The following TTN variants were observed in gnomAD, a reference collection of about 807,000 sequenced individuals.
TTN encodes connectin.
Under a neutral mutation model 3,223.0 loss-of-function variants are expected in TTN, and 1,525 were observed. The observed-to-expected ratio is 0.47, with a 90% CI of 0.45 to 0.49. The LOEUF (loss-of-function observed/expected upper bound fraction) is 0.49, where lower values mean the gene tolerates loss of function less well. TTN is among the 20% of genes least tolerant of loss of function. The probability of loss-of-function intolerance (pLI) is 0.00; values close to 1 mark genes in which losing one functional copy is unlikely to be tolerated. For missense variants in TTN, 40,786 were observed against 43,424.0 expected (o/e 0.94, Z 5.40); for synonymous variants, 14,094 against 15,161.0 (o/e 0.93, Z 5.17).
intron 198 of TTN, 38 bp from the exon 199 acceptor site, chr2:178,653,162 T>C: frequency 1.2e-6 from 2 of 1,611,348 alleles, no homozygotes; most frequent in Non-Finnish European, 8.5e-7. Context: ...TTAGGGGTTA[T>C]GAAGACCACT....
At chr2:178,772,346 C>T (rs2091646328) in intron 33 of TTN, among the ~76,000 whole-genome samples, 1 of 152,038 alleles carries the variant, frequency 6.6e-6, no homozygotes, top group African/African-American at 2.4e-5. Context: ...TGACTTGCTT[C>T]AATACTAGAT....
Position 178,625,416 on chromosome 2 carries a change from GAA to G in TTN, c.44425-22_44425-21del. ...GACCACCTAGTTGTTTTTAAAAAAA[GAA>G]TACATGAAACAGCAATCTAGTATAT... On this transcript the variant is annotated intron_variant, in intron 240 of 362. Coordinates refer to ENST00000589042, the MANE Select transcript of TTN (RefSeq NM_001267550.2). 1.3e-6 allele frequency: 2 copies of G among 1,536,682 alleles called. No individual in the cohort carries two copies. Among genetic ancestry groups the G allele is most frequent in the South Asian group, 2.6e-5 (2 of 76,750 alleles).
chr2:178,735,193 A>G (rs2081236388), intron 50 of TTN, among the ~76,000 whole-genome samples: 3 of 152,204 alleles, frequency 2.0e-5, no homozygotes, highest in Admixed American at 2.0e-4. Flanking sequence ...ACAACAATAA[A>G]CAGACTACCT....
At position 178,584,758 on chromosome 2, in the gene TTN, T is replaced by C; in HGVS notation, c.64883A>G (p.Gln21628Arg). Residue 21628 changes from glutamine to arginine, a missense_variant, in exon 310 of 363, where the codon CAG becomes CGG. Gln to Arg is a conservative substitution (Grantham distance 43). Coordinates refer to ENST00000589042, the MANE Select transcript of TTN (RefSeq NM_001267550.2). The part of the protein sequence containing the change: ...SCRVGKLIPG[Q>R]EYIFRVRAEN... ...AGCACGGACCCGGAAGATGTACTCC[T>C]GGCCTGGGATCAGCTTTCCAACCCT... 5.0e-6 allele frequency: 8 copies of C among 1,613,520 alleles called. No homozygotes were observed. Among genetic ancestry groups the C allele is most frequent in the Non-Finnish European group, 6.8e-6 (8 of 1,179,576 alleles).
At position 178,704,795 on chromosome 2, in the gene TTN, T is replaced by C. The variant is rs1265230121; in HGVS notation, c.29695-18A>G. The C allele has an allele frequency of 6.2e-7, 1 of 1,606,646 alleles. No individual in the cohort carries two copies. The highest frequency in any genetic ancestry group is 8.5e-7 in the Non-Finnish European group (1 of 1,177,014). The stretch of plus-strand genomic sequence containing the variant: ...GTGACAGGCTAGGAGAATAAAGAAT[T>C]AAAACACATTTGTTACTCCTTCCCT... On this transcript the variant is annotated intron_variant, in intron 104 of 362. Transcript: ENST00000589042.
chr2:178,581,825 G>C (rs776899356), intron 315 of TTN, 21 bp from the exon 316 acceptor site: 5 of 1,594,920 alleles, frequency 3.1e-6, no homozygotes, highest in Admixed American at 3.6e-5. Flanking sequence ...ATAATGATAG[G>C]AAATTTTCAT....
chr2:178,729,368 G>A lies in TTN; in HGVS notation c.18788C>T (p.Pro6263Leu). The stretch of plus-strand genomic sequence containing the variant: ...GCACTGGTATTCCCCAGTGTCTGAA[G>A]GGTCACACTTGGTTATATGGAGGTT... ...VFNLHITKCD[P>L]SDTGEYQCIV... The change falls in exon 64 of 363, where the codon CCT becomes CTT. Residue 6263 changes from proline (P) to leucine (L), a missense_variant. Physicochemically the swap from Pro to Leu is moderately conservative, Grantham distance 98. Coordinates refer to ENST00000589042, the MANE Select transcript of TTN (RefSeq NM_001267550.2). 6.2e-7 allele frequency: 1 copy of A among 1,613,574 alleles called. No individual in the cohort carries two copies. Among genetic ancestry groups the A allele is most frequent in the Non-Finnish European group, 8.5e-7 (1 of 1,179,654 alleles).
At position 178,577,814 on chromosome 2, in the gene TTN, T is replaced by A. The variant is rs761622490; in HGVS notation, c.68612A>T (p.His22871Leu). Residue 22871 changes from histidine (H) to leucine (L), a missense_variant, in exon 323 of 363, where the codon CAT becomes CTT. Physicochemically the swap from His to Leu is moderately conservative, Grantham distance 99. Coordinates refer to ENST00000589042, the MANE Select transcript of TTN (RefSeq NM_001267550.2). ...IWTEPKYDGG[H>L]KLTGYIVEKR... ...CTCCACTATATATCCAGTTAACTTA[T>A]GACCACCGTCATATTTAGGTTCAGT... 1.9e-6 allele frequency: 3 copies of A among 1,612,304 alleles called. No individual in the cohort carries two copies. In the East Asian group the frequency reaches 6.7e-5, roughly 36 times the overall value.
chr2:178,802,275 C>A lies in TTN; in HGVS notation c.158G>T (p.Gly53Val). ...GCCATCGCTAAAGGAGATCTGCACG[C>A]CGGGCAGAGTGGAAGTGGAAATCAC... ...GQVISTSTLP[G>V]VQISFSDGRA... The change falls in exon 3 of 363, where the codon GGC becomes GTC. Residue 53 changes from glycine to valine, a missense_variant. Transcript: ENST00000589042. 3.1e-6 allele frequency: 5 copies of A among 1,614,182 alleles called. No individual in the cohort carries two copies. Among genetic ancestry groups the A allele is most frequent in the Non-Finnish European group, 3.4e-6 (4 of 1,180,026 alleles).
Position 178,578,200 on chromosome 2 carries a change from G to A in TTN, c.68330-15C>T, listed in dbSNP as rs752008027. Reference sequence around the variant, plus strand: ...GAGATGATACCCTACAAAAGACCCAGGGATGTATCAAGTATAAATGCAGCT... The same window carrying A: ...GAGATGATACCCTACAAAAGACCCAAGGATGTATCAAGTATAAATGCAGCT... On this transcript the variant is annotated splice_polypyrimidine_tract_variant and intron_variant, in intron 321 of 362. Transcript: ENST00000589042. The A allele has an allele frequency of 1.9e-6, 3 of 1,604,462 alleles. No individual in the cohort carries two copies. The highest frequency in any genetic ancestry group is 1.3e-5 in the African/African-American group (1 of 74,580).
In TTN at chr2:178,663,535, A is replaced by G; in HGVS notation, c.36533-19T>C. 1 of 1,613,436 alleles carries G rather than the reference A, an allele frequency of 6.2e-7. No homozygotes were observed. ...TCAGGCACTTGAAAGATATTAGTGA[A>G]ATTACATTTAGGCATTATGAAGACC... On this transcript the variant is annotated intron_variant, in intron 171 of 362. Coordinates refer to ENST00000589042, the MANE Select transcript of TTN (RefSeq NM_001267550.2).
Position 178,562,778 on chromosome 2 carries a change from A to G in TTN, c.83354T>C (p.Leu27785Ser). The G allele has an allele frequency of 6.2e-7, 1 of 1,613,354 alleles. No individual in the cohort carries two copies. The highest frequency in any genetic ancestry group is 8.5e-7 in the Non-Finnish European group (1 of 1,179,650). ...IREVKKDSVT[L>S]SWEPPLIDGG... The stretch of plus-strand genomic sequence containing the variant: ...ATCAATAAGTGGTGGTTCCCAGGAC[A>G]ACGTCACTGAGTCTTTCTTCACTTC... The change falls in exon 326 of 363, where the codon TTG (leucine) becomes TCG (serine). Residue 27785 changes from leucine to serine, a missense_variant. Physicochemically the swap from Leu to Ser is moderately radical, Grantham distance 145 (BLOSUM62 -2). Transcript: ENST00000589042.
intron 295 of TTN, 139 bp from the exon 296 acceptor site, chr2:178,594,785 A>C: frequency 4.7e-6 from 3 of 642,746 alleles, no homozygotes; most frequent in African/African-American, 1.8e-5. Flanking sequence ...AAGAGATCTC[A>C]TCATAAAACT....
At chr2:178,764,416 G>A (rs2089989004) in intron 42 of TTN, 111 bp downstream of exon 42, 2 of 1,609,406 alleles carry the variant, frequency 1.2e-6, no homozygotes, top group African/African-American at 1.3e-5. Flanking sequence ...TCAAAGTTGG[G>A]TAGCAATCTA....
intron 244 of TTN, 35 bp downstream of exon 244, chr2:178,621,805 C>T: frequency 6.2e-7 from 1 of 1,610,504 alleles, no homozygotes; most frequent in Non-Finnish European, 8.5e-7. Context: ...TTTTTCCCAA[C>T]ACATATACTT....
intron 99 of TTN, among the ~76,000 whole-genome samples, chr2:178,708,856 C>G (rs1301784356): frequency 6.6e-6 from 1 of 152,032 alleles, no homozygotes; most frequent in Non-Finnish European, 1.5e-5. Context: ...CCAGGCTGCT[C>G]TAGGAGGTTA....
At chr2:178,578,585 CT>C in intron 321 of TTN, 25 bp downstream of exon 321, 1 of 1,543,474 alleles carries the variant, frequency 6.5e-7, no homozygotes, top group African/African-American at 1.4e-5. Flanking sequence ...GATGTAAAAG[CT>C]GTAGGATAAG....
rs72957312 is a variant in TTN, at chr2:178,792,519, A to G, written c.1537-322T>C. Reference sequence around the variant, plus strand: ...AATATTATTCTGTACTAATTCTGTCATCTAAAGGTAATCTTAGAATATATA... The same window carrying G: ...AATATTATTCTGTACTAATTCTGTCGTCTAAAGGTAATCTTAGAATATATA... On this transcript the variant is annotated intron_variant, in intron 9 of 362. Transcript: ENST00000589042. 8.0e-3 allele frequency among the ~76,000 whole-genome samples: 1,217 copies of G among 152,368 alleles called. 14 individuals are homozygous for G. Among genetic ancestry groups the G allele is most frequent in the Middle Eastern group, 0.017 (5 of 294 alleles).
At position 178,588,677 on chromosome 2, in the gene TTN, A is replaced by G. The variant is rs2154183271; in HGVS notation, c.63048T>C (p.Ser21016=). 6.2e-7 allele frequency: 1 copy of G among 1,612,918 alleles called. No homozygotes were observed. The highest frequency in any genetic ancestry group is 8.5e-7 in the Non-Finnish European group (1 of 1,179,374). ...CTTTCATACGTCTCTCAGGGATTGC[A>G]CTCTTGTTGACAGGGACCCATCGTG... The part of the protein sequence containing the change: ...HSTRWVPVNK[S]AIPERRMKVQ... Residue 21016 remains serine, a synonymous_variant, in exon 304 of 363, where the codon AGT becomes AGC. Coordinates refer to ENST00000589042, the MANE Select transcript of TTN (RefSeq NM_001267550.2).
Sources: allele counts gnomAD v4.1 joint callset (sites outside exome capture counted in the v4.1 genomes callset), GRCh38; gene constraint gnomAD v4.1.1; transcripts MANE v1.5; gene names NCBI Gene and HGNC (gene_info 2026-07-23, HGNC 2026-07-21).